The following BRIX1 variants were observed in gnomAD, a reference collection of about 807,000 sequenced individuals.
BRIX1 encodes biogenesis of ribosomes BRX1.
BRIX1 carries 15 observed loss-of-function variants against 44.0 expected under a neutral mutation model. The observed-to-expected ratio is 0.34, with a 90% CI of 0.23 to 0.53. BRIX1 has a LOEUF of 0.53. Ranked by LOEUF, BRIX1 falls within the 20% of genes least tolerant of loss-of-function variation. The pLI, the probability that BRIX1 is intolerant of heterozygous loss-of-function variation, is 0.95. For synonymous variants in BRIX1, 149 were observed against 135.4 expected, an observed-to-expected ratio of 1.10 and a Z score of -0.70; for missense variants, 420 against 432.8, an observed-to-expected ratio of 0.97 and a Z score of 0.26.
intron 1 of BRIX1, chr5:34,916,625 C>G (rs1054471374): frequency 5.9e-5 from 9 of 152,232 alleles, no homozygotes; most frequent in African/African-American, 2.2e-4. Flanking sequence ...TTTCATTCAA[C>G]TAAGAACTCT....
chr5:34,923,873 G>C (rs376839265), intron 8 of BRIX1, among the ~76,000 whole-genome samples: 11 of 152,244 alleles, frequency 7.2e-5, no homozygotes, highest in African/African-American at 2.6e-4. Flanking sequence ...ATTCATGACT[G>C]TTAGTTGATA....
At chr5:34,924,710 ATTTACCAAG>A in intron 8 of BRIX1, 128 bp from the exon 9 acceptor site, 1 of 566,342 alleles carries the variant, frequency 1.8e-6, no homozygotes, top group Non-Finnish European at 3.2e-6. Context: ...ATGATTTGCC[ATTTACCAAG>A]TTTCACCCCC....
intron 3 of BRIX1, 114 bp downstream of exon 3, chr5:34,919,997 CATTTT>C (rs1764206599): frequency 5.7e-6 from 3 of 523,604 alleles, no homozygotes; most frequent in African/African-American, 4.0e-5. Flanking sequence ...TATTCAGACA[CATTTT>C]ATTAACTCTT....
intron 9 of BRIX1, 36 bp downstream of exon 9, chr5:34,925,011 C>T (rs1186721189): frequency 6.3e-7 from 1 of 1,589,594 alleles, no homozygotes; most frequent in African/African-American, 1.4e-5. Context: ...CTTCAATGTA[C>T]CAGAACCCTT....
chr5:34,922,020 A>T (rs1764250017), intron 3 of BRIX1, 197 bp from the exon 4 acceptor site: 1 of 346,212 alleles, frequency 2.9e-6, no homozygotes, highest in African/African-American at 2.1e-5. Context: ...TGGGCAGAGC[A>T]TCTAGTTTAC....
intron 4 of BRIX1, 121 bp from the exon 5 acceptor site, chr5:34,922,417 CT>C: frequency 1.1e-6 from 1 of 893,746 alleles, no homozygotes; most frequent in South Asian, 1.6e-5. Flanking sequence ...TTTCACGAAA[CT>C]TGATACCTTT....
chr5:34,919,296 A>T (rs906121616), intron 2 of BRIX1, among the ~76,000 whole-genome samples: 11 of 150,346 alleles, frequency 7.3e-5, no homozygotes, highest in African/African-American at 2.7e-4. Flanking sequence ...AAAAAAAAAA[A>T]AAAAGTTTGG....
Position 34,925,274 on chromosome 5 carries a change from C to G in BRIX1, c.841C>G (p.Gln281Glu). Residue 281 changes from glutamine to glutamate, a missense_variant, in exon 10 of 10, where the codon CAG (glutamine) becomes GAG (glutamate). Physicochemically the swap from Gln to Glu is conservative, Grantham distance 29. Coordinates refer to ENST00000336767, the MANE Select transcript of BRIX1 (RefSeq NM_018321.4). ...CACAGCTGCAAAATACAGAGAGAAACAGCAAGTGAAAGATGTGCAAAAACT... is the reference window on the plus strand; with the variant it reads ...CACAGCTGCAAAATACAGAGAGAAAGAGCAAGTGAAAGATGTGCAAAAACT... ...SITAAKYREK[Q>E]QVKDVQKLRK... The G allele has an allele frequency of 6.2e-7, 1 of 1,608,348 alleles. No individual in the cohort carries two copies. Among genetic ancestry groups the G allele is most frequent in the Non-Finnish European group, 8.5e-7 (1 of 1,178,822 alleles).
At position 34,922,703 on chromosome 5, in the gene BRIX1, C is replaced by T; in HGVS notation, c.445C>T (p.Leu149Phe). 1 of 1,613,534 alleles carries T rather than the reference C, an allele frequency of 6.2e-7. No individual in the cohort carries two copies. Among genetic ancestry groups the T allele is most frequent in the Non-Finnish European group, 8.5e-7 (1 of 1,179,574 alleles). Residue 149 changes from leucine to phenylalanine, a missense_variant, in exon 6 of 10, where the codon CTC becomes TTC. Transcript: ENST00000336767. Reference protein sequence around the residue: ...AKFLVQNIHTLAELKMTGNCL... With the variant: ...AKFLVQNIHTFAELKMTGNCL... ...TGTTGTAATTTTTCTAGTTCATACC[C>T]TCGCTGAACTGAAGATGACTGGAAA...
At chr5:34,919,761 G>A (rs1764200896) in intron 2 of BRIX1, 79 bp from the exon 3 acceptor site, 3 of 453,676 alleles carry the variant, frequency 6.6e-6, no homozygotes. Context: ...TTATTTTCTG[G>A]ATAGCATATG....
chr5:34,923,926 A>C (rs1764295500), intron 8 of BRIX1, among the ~76,000 whole-genome samples: 1 of 147,616 alleles, frequency 6.8e-6, no homozygotes, highest in South Asian at 2.2e-4. Flanking sequence ...ATTTAACTTT[A>C]TAGAAAGGGA....
chr5:34,916,154 T>A, intron 1 of BRIX1: 1 of 366,100 alleles, frequency 2.7e-6, no homozygotes, highest in Non-Finnish European at 4.9e-6. Context: ...GGTGCTCAGA[T>A]CCAGCGTTCT....
chr5:34,925,130 C>A, intron 9 of BRIX1, 96 bp from the exon 10 acceptor site: 1 of 1,439,778 alleles, frequency 6.9e-7, no homozygotes, highest in East Asian at 2.5e-5. Context: ...ATGACACTGG[C>A]TGAAAGGATA....
Position 34,915,976 on chromosome 5 carries a change from C to T in BRIX1, c.159+79C>T, listed in dbSNP as rs138898524. 2,125 of 1,430,690 alleles carry T rather than the reference C, an allele frequency of 1.5e-3. 11 individuals carry two copies. Among genetic ancestry groups the T allele is most frequent in the Non-Finnish European group, 8.9e-4 (962 of 1,084,204 alleles). 88.6% of individuals were successfully genotyped at this position (1,430,690 alleles called of 1,614,324 possible). A position where few individuals can be genotyped will look rare whatever the true frequency, so the allele number is the denominator to read the frequency against. ...TCTTGGGTTACTTACTTGACTACAG[C>T]CTTGCTTAATTTCAGAGTAGCCCGG... is the stretch of plus-strand genomic sequence containing the variant. On this transcript the variant is annotated intron_variant, in intron 1 of 9. Coordinates refer to ENST00000336767, the MANE Select transcript of BRIX1 (RefSeq NM_018321.4).
At chr5:34,918,957 CAAG>C (rs1277937135) in intron 2 of BRIX1, 1 of 151,348 alleles carries the variant, frequency 6.6e-6, no homozygotes, top group Non-Finnish European at 1.5e-5. Flanking sequence ...ATTTTACAGG[CAAG>C]AACAGTATGG....
chr5:34,925,117 T>C (rs1580514042), intron 9 of BRIX1, 109 bp from the exon 10 acceptor site: 9 of 1,442,168 alleles, frequency 6.2e-6, no homozygotes, highest in Non-Finnish European at 8.3e-6. Context: ...ACTCCCTTTT[T>C]TCATGACACT....
intron 6 of BRIX1, 76 bp downstream of exon 6, chr5:34,922,844 A>G: frequency 7.1e-7 from 1 of 1,410,206 alleles, no homozygotes; most frequent in Non-Finnish European, 1.0e-6. Flanking sequence ...TAGTTGTGTT[A>G]TTCAATTTAG....
chr5:34,920,030 A>G (rs1764207102), intron 3 of BRIX1, 147 bp downstream of exon 3: 4 of 475,012 alleles, frequency 8.4e-6, no homozygotes, highest in Non-Finnish European at 7.6e-6. Flanking sequence ...TGGTCTTCCA[A>G]ATTTTTATCT....
Position 34,925,598 on chromosome 5 carries a change from A to G in BRIX1, c.*103A>G, listed in dbSNP as rs1764361910. Reference sequence around the variant, plus strand: ...ATACTATCTTACGTCTAATTAGTGTAGCATTTACAAGAAAGAAAAATTAAG... The same window carrying G: ...ATACTATCTTACGTCTAATTAGTGTGGCATTTACAAGAAAGAAAAATTAAG... On this transcript the variant is annotated 3_prime_UTR_variant, in exon 10 of 10. Transcript: ENST00000336767. 2 of 948,828 alleles carry G rather than the reference A, an allele frequency of 2.1e-6. No individual in the cohort carries two copies. The highest frequency in any genetic ancestry group is 4.8e-5 in the South Asian group (2 of 41,664). The allele number at this position is 948,828 out of a possible 1,614,324, so 58.8% of individuals were successfully genotyped here.
Sources: allele counts gnomAD v4.1 joint callset (sites outside exome capture counted in the v4.1 genomes callset), GRCh38; gene constraint gnomAD v4.1.1; transcripts MANE v1.5; gene names NCBI Gene and HGNC (gene_info 2026-07-23, HGNC 2026-07-21).